The following CADM2 variants were observed in gnomAD, a reference collection of about 807,000 sequenced individuals.
CADM2 encodes the protein cell adhesion molecule 2.
A neutral mutation model predicts 49.8 loss-of-function variants in CADM2; 12 were observed. The ratio of observed to expected loss-of-function variants is 0.24; its 90% CI spans 0.15 to 0.39. The LOEUF is 0.39. Among genes scored for constraint, CADM2 ranks in the 10% least tolerant of loss-of-function variants. The pLI, the probability that CADM2 is intolerant of heterozygous loss-of-function variation, is 1.00. For synonymous variants in CADM2, 214 were observed against 175.4 expected, an observed-to-expected ratio of 1.22 and a Z score of -1.74; for missense variants, 378 against 492.3, an observed-to-expected ratio of 0.77 and a Z score of 2.20.
At chr3:84,963,984 A>T (rs1339513404) in intron 1 of CADM2, among the ~76,000 whole-genome samples, 2 of 152,180 alleles carry the variant, frequency 1.3e-5, no homozygotes, top group Admixed American at 1.3e-4. Context: ...ACATCAGACA[A>T]TTGGTAATTA....
intron 1 of CADM2, among the ~76,000 whole-genome samples, chr3:85,098,993 A>C (rs956484419): frequency 3.9e-5 from 6 of 152,160 alleles, no homozygotes; most frequent in Admixed American, 2.0e-4. Flanking sequence ...CACCTACCTG[A>C]AGTATTCCTG....
chr3:85,450,238 T>C (rs1214706930), intron 1 of CADM2, among the ~76,000 whole-genome samples: 1 of 152,148 alleles, frequency 6.6e-6, no homozygotes, highest in Non-Finnish European at 1.5e-5. Context: ...TCACATATGT[T>C]ATGGTCTAAT....
chr3:85,539,468 C>T (rs557232522), intron 1 of CADM2, among the ~76,000 whole-genome samples: 1 of 151,944 alleles, frequency 6.6e-6, no homozygotes, highest in African/African-American at 2.4e-5. Context: ...ACAGAAATTC[C>T]TTTGCAAACA....
intron 8 of CADM2, among the ~76,000 whole-genome samples, chr3:85,985,060 T>C (rs1237556101): frequency 6.6e-6 from 1 of 151,998 alleles, no homozygotes; most frequent in Non-Finnish European, 1.5e-5. Context: ...TTCTTAACAA[T>C]TTAATTGTGC....
intron 1 of CADM2, among the ~76,000 whole-genome samples, chr3:85,604,033 T>C (rs1313354754): frequency 6.6e-6 from 1 of 152,006 alleles, no homozygotes; most frequent in Non-Finnish European, 1.5e-5. Context: ...AATCTTATTA[T>C]ACATACTCAG....
chr3:85,001,962 G>A (rs552941316), intron 1 of CADM2, among the ~76,000 whole-genome samples: 1 of 152,142 alleles, frequency 6.6e-6, no homozygotes, highest in East Asian at 1.9e-4. Flanking sequence ...TAAATATTTT[G>A]CTGGTACTCT....
intron 1 of CADM2, among the ~76,000 whole-genome samples, chr3:85,555,305 T>G (rs537279026): frequency 1.3e-5 from 2 of 152,306 alleles, no homozygotes; most frequent in Non-Finnish European, 2.9e-5. Context: ...ATGTTGCTTC[T>G]GTCACACTCC....
At chr3:85,873,860 G>T (rs941223155) in intron 3 of CADM2, among the ~76,000 whole-genome samples, 4 of 151,716 alleles carry the variant, frequency 2.6e-5, no homozygotes, top group Non-Finnish European at 5.9e-5. Flanking sequence ...TTTTATTTGT[G>T]GAAAATTCAC....
chr3:85,507,186 T>TG (rs2040393909), intron 1 of CADM2, among the ~76,000 whole-genome samples: 1 of 150,584 alleles, frequency 6.6e-6, no homozygotes. Flanking sequence ...CAGTGTATTT[T>TG]TTTTTTTTTT....
intron 7 of CADM2, among the ~76,000 whole-genome samples, chr3:85,940,352 G>T (rs949950963): frequency 6.6e-6 from 1 of 151,110 alleles, no homozygotes; most frequent in Admixed American, 6.6e-5. Context: ...AAAAATTACA[G>T]CAAAACAGTT....
chr3:85,152,520 T>G (rs1425242033), intron 1 of CADM2, among the ~76,000 whole-genome samples: 1 of 152,200 alleles, frequency 6.6e-6, no homozygotes, highest in Non-Finnish European at 1.5e-5. Flanking sequence ...TTTTAGTTTC[T>G]CAATACTAAT....
At chr3:85,756,405 C>G (rs921430144) in intron 2 of CADM2, among the ~76,000 whole-genome samples, 35 of 152,176 alleles carry the variant, frequency 2.3e-4, no homozygotes, top group South Asian at 2.1e-4. Flanking sequence ...AGATCCTTAT[C>G]TACATATATA....
At chr3:85,149,143 C>G (rs1475314673) in intron 1 of CADM2, among the ~76,000 whole-genome samples, 1 of 151,492 alleles carries the variant, frequency 6.6e-6, no homozygotes, top group Non-Finnish European at 1.5e-5. Flanking sequence ...TATTTTCCCC[C>G]AATATTATCT....
At chr3:85,929,405 A>C (rs1720314525) in intron 6 of CADM2, among the ~76,000 whole-genome samples, 1 of 152,074 alleles carries the variant, frequency 6.6e-6, no homozygotes, top group Non-Finnish European at 1.5e-5. Context: ...TTCACAGAAA[A>C]AATACAAACT....
chr3:85,530,343 T>TGAGACTGAG (rs2061273774), intron 1 of CADM2, among the ~76,000 whole-genome samples: 1 of 111,056 alleles, frequency 9.0e-6, no homozygotes, highest in Admixed American at 1.1e-4. Context: ...TTTTTTTTTT[T>TGAGACTGAG]TTTTTGAGAC....
intron 5 of CADM2, among the ~76,000 whole-genome samples, chr3:85,897,397 G>A (rs1715387675): frequency 6.7e-6 from 1 of 149,490 alleles, no homozygotes; most frequent in Admixed American, 6.7e-5. Context: ...AGCCTCCCGA[G>A]TAGCTGGGAC....
intron 1 of CADM2, among the ~76,000 whole-genome samples, chr3:85,411,605 C>T (rs904382335): frequency 3.9e-5 from 6 of 152,078 alleles, no homozygotes; most frequent in African/African-American, 1.4e-4. Flanking sequence ...TTATACCAAA[C>T]CCAAATGTTG....
chr3:85,915,975 A>G (rs1718245998), intron 6 of CADM2, among the ~76,000 whole-genome samples: 1 of 152,180 alleles, frequency 6.6e-6, no homozygotes, highest in South Asian at 2.1e-4. Flanking sequence ...TTAAAGATAA[A>G]CATACAATGC....
intron 1 of CADM2, among the ~76,000 whole-genome samples, chr3:85,694,008 C>T (rs1470107508): frequency 6.6e-6 from 1 of 151,498 alleles, no homozygotes; most frequent in Non-Finnish European, 1.5e-5. Flanking sequence ...GAATGACCGA[C>T]TTTTGGTAGT....
Sources: gnomAD v4.1 joint callset for allele counts (sites outside exome capture counted in the v4.1 genomes callset) on GRCh38, gnomAD v4.1.1 for gene constraint, MANE v1.5 for transcripts, NCBI Gene and HGNC (gene_info 2026-07-23, HGNC 2026-07-21) for gene names.